TMEM132D: variants seen among roughly 807,000 people sequenced by gnomAD.
The protein encoded by TMEM132D is mature OL transmembrane protein.
A neutral mutation model predicts 62.3 loss-of-function variants in TMEM132D; 21 were observed. That is an observed-to-expected ratio of 0.34 (90% confidence interval 0.24 to 0.49). TMEM132D has a LOEUF of 0.49. Ranked by LOEUF, TMEM132D falls within the 20% of genes least tolerant of loss-of-function variation. The pLI, the probability that TMEM132D is intolerant of heterozygous loss-of-function variation, is 0.99. For synonymous variants in TMEM132D, 621 were observed against 575.6 expected (o/e 1.08, Z -1.13); for missense variants, 1,346 against 1,402.8 (o/e 0.96, Z 0.65).
chr12:129,731,807 C>T (rs907958468), intron 1 of TMEM132D, among the ~76,000 whole-genome samples: 9 of 152,154 alleles, frequency 5.9e-5, no homozygotes, highest in African/African-American at 1.9e-4. Flanking sequence ...GGACTACAGG[C>T]GCCCGCCACC....
intron 5 of TMEM132D, among the ~76,000 whole-genome samples, chr12:129,087,923 ACCGGGTGTCCTCCATGACCGG>A (rs1874686029): frequency 1.0e-5 from 1 of 100,348 alleles, no homozygotes; most frequent in African/African-American, 4.7e-5. Flanking sequence ...GTCCTCCCTG[ACCGGGTGTCCTCCATGACCGG>A]GGTGTCCTCC....
chr12:129,156,082 T>C (rs370091493), intron 5 of TMEM132D, among the ~76,000 whole-genome samples: 81 of 151,812 alleles, frequency 5.3e-4, no homozygotes, highest in African/African-American at 1.8e-3. Context: ...ACTTCCATGA[T>C]ACCCAACCCA....
At chr12:129,407,023 C>T (rs986035829) in intron 3 of TMEM132D, among the ~76,000 whole-genome samples, 1 of 152,162 alleles carries the variant, frequency 6.6e-6, no homozygotes, top group South Asian at 2.1e-4. Flanking sequence ...AAAGAATAAC[C>T]GCTACAGGAA....
At chr12:129,772,337 C>T (rs924807711) in intron 1 of TMEM132D, among the ~76,000 whole-genome samples, 13 of 152,106 alleles carry the variant, frequency 8.5e-5, no homozygotes, top group Admixed American at 2.6e-4. Flanking sequence ...AGAAGACAAA[C>T]TGTATCTTTT....
chr12:129,209,213 C>T (rs1319068500), intron 5 of TMEM132D, among the ~76,000 whole-genome samples: 3 of 152,126 alleles, frequency 2.0e-5, no homozygotes, highest in Non-Finnish European at 2.9e-5. Flanking sequence ...GGAGGGTAAG[C>T]GGGTCCCTGC....
rs1174341870 is a variant in TMEM132D at position 129,664,414 on chromosome 12, T to C, written c.968+35396A>G. Among the ~76,000 whole-genome samples the C allele has an allele frequency of 4.3e-5, 6 of 140,340 alleles. No individual in the cohort carries two copies. In the East Asian group the frequency reaches 1.3e-3, roughly 31 times the overall value. The allele number at this position is 140,340 out of a possible 152,430, so 92.1% of individuals were successfully genotyped here. On this transcript the variant is annotated intron_variant, in intron 2 of 8. Coordinates refer to ENST00000422113, the MANE Select transcript of TMEM132D (RefSeq NM_133448.3). The stretch of plus-strand genomic sequence containing the variant: ...TTTTTCTATCTTGACATTCTACAAT[T>C]ACAAGAATTTTTTTTTTTTTTTTTT...
At chr12:129,373,955 A>C (rs995494639) in intron 3 of TMEM132D, among the ~76,000 whole-genome samples, 3 of 152,174 alleles carry the variant, frequency 2.0e-5, no homozygotes, top group African/African-American at 7.2e-5. Context: ...GCAAGGAAAA[A>C]ATGAGTCAAT....
At chr12:129,618,142 G>A (rs1036780570) in intron 2 of TMEM132D, among the ~76,000 whole-genome samples, 11 of 152,174 alleles carry the variant, frequency 7.2e-5, no homozygotes, top group African/African-American at 1.9e-4. Flanking sequence ...ATAAGCCAAC[G>A]TGAAATGCCA....
chr12:129,485,487 A>T (rs1245280081), intron 3 of TMEM132D, among the ~76,000 whole-genome samples: 1 of 152,228 alleles, frequency 6.6e-6, no homozygotes, highest in East Asian at 1.9e-4. Flanking sequence ...AGTGTCTGCC[A>T]TTGCAAGACC....
intron 2 of TMEM132D, among the ~76,000 whole-genome samples, chr12:129,550,567 T>C (rs1287300778): frequency 1.3e-5 from 2 of 152,212 alleles, no homozygotes; most frequent in African/African-American, 4.8e-5. Context: ...TTCCACTCTG[T>C]ACAACACTTA....
At chr12:129,537,051 T>A (rs1407569989) in intron 2 of TMEM132D, among the ~76,000 whole-genome samples, 1 of 151,010 alleles carries the variant, frequency 6.6e-6, no homozygotes, top group East Asian at 2.0e-4. Flanking sequence ...ACCCAGCTAC[T>A]CAGGAGGCTG....
intron 3 of TMEM132D, among the ~76,000 whole-genome samples, chr12:129,488,176 T>C (rs1874648325): frequency 6.6e-6 from 1 of 152,014 alleles, no homozygotes; most frequent in African/African-American, 2.4e-5. Flanking sequence ...CAGAAATAAG[T>C]TGCTGTTCTT....
intron 5 of TMEM132D, among the ~76,000 whole-genome samples, chr12:129,107,755 T>C (rs1053690879): frequency 1.7e-4 from 26 of 152,136 alleles, no homozygotes; most frequent in Non-Finnish European, 2.9e-5. Context: ...GGCACAATCA[T>C]AGTTCACTGA....
At chr12:129,774,754 G>A (rs925425884) in intron 1 of TMEM132D, among the ~76,000 whole-genome samples, 1 of 152,182 alleles carries the variant, frequency 6.6e-6, no homozygotes, top group Admixed American at 6.5e-5. Context: ...GACTGCAAAG[G>A]ATTAGGCAAA....
chr12:129,888,986 T>A (rs138210568), intron 1 of TMEM132D, among the ~76,000 whole-genome samples: 2 of 152,338 alleles, frequency 1.3e-5, no homozygotes, highest in African/African-American at 4.8e-5. Context: ...TATGGTCTTA[T>A]AAGAGGCAGG....
At chr12:129,364,271 C>T (rs1362356176) in intron 3 of TMEM132D, among the ~76,000 whole-genome samples, 3 of 152,178 alleles carry the variant, frequency 2.0e-5, no homozygotes, top group Non-Finnish European at 2.9e-5. Context: ...ATAATTGTAA[C>T]TCTCTTTGAG....
At chr12:129,716,419 G>A (rs1182455624) in intron 1 of TMEM132D, among the ~76,000 whole-genome samples, 1 of 152,192 alleles carries the variant, frequency 6.6e-6, no homozygotes, top group African/African-American at 2.4e-5. Flanking sequence ...GTGAGGGTCA[G>A]GGCAACTCTC....
intron 3 of TMEM132D, among the ~76,000 whole-genome samples, chr12:129,467,375 G>T (rs1480900906): frequency 1.3e-5 from 2 of 152,176 alleles, no homozygotes; most frequent in Admixed American, 1.3e-4. Flanking sequence ...AGAGAAACCA[G>T]TTCCAGGTCC....
At chr12:129,114,826 T>G (rs531466007) in intron 5 of TMEM132D, among the ~76,000 whole-genome samples, 1 of 152,232 alleles carries the variant, frequency 6.6e-6, no homozygotes, top group African/African-American at 2.4e-5. Flanking sequence ...GTTTGTGAGA[T>G]TGGTCGCATT....
Sources: gnomAD v4.1 joint callset for allele counts (sites outside exome capture counted in the v4.1 genomes callset) on GRCh38, gnomAD v4.1.1 for gene constraint, MANE v1.5 for transcripts, NCBI Gene and HGNC (gene_info 2026-07-23, HGNC 2026-07-21) for gene names.